Variants in TENM3 observed in about 807,000 individuals in gnomAD.
TENM3 encodes the protein teneurin transmembrane protein 3, also known as teneurin-3.
TENM3 carries 63 observed loss-of-function variants against 255.1 expected under a neutral mutation model. The ratio of observed to expected loss-of-function variants is 0.25; its 90% CI spans 0.20 to 0.30. The LOEUF is 0.30. TENM3 is among the 10% of genes least tolerant of loss of function. The pLI, the probability that TENM3 is intolerant of heterozygous loss-of-function variation, is 1.00. For missense variants in TENM3, 2,929 were observed against 3,461.1 expected (o/e 0.85, Z 3.86); for synonymous variants, 1,306 against 1,322.3 (o/e 0.99, Z 0.27).
At chr4:181,826,857 G>A in the TENM3 span, among the ~76,000 whole-genome samples, 1 of 152,148 alleles carries the variant, frequency 6.6e-6, no homozygotes, top group African/African-American at 2.4e-5. Context: ...CTGCTCTAAA[G>A]GGAAGATAAA....
At chr4:181,518,864 G>C in the TENM3 span, among the ~76,000 whole-genome samples, 22,071 of 152,138 alleles carry the variant, frequency 0.15, 1,886 homozygotes, top group South Asian at 0.28. Context: ...GAATCGTACT[G>C]TCCCATCCAA....
At chr4:182,573,989 C>G (rs1744674354) in intron 3 of TENM3, among the ~76,000 whole-genome samples, 2 of 152,070 alleles carry the variant, frequency 1.3e-5, no homozygotes, top group African/African-American at 4.8e-5. Context: ...ATTAATTCTT[C>G]TTAAAGGCAT....
chr4:181,975,767 AG>A, the TENM3 span: 1 of 152,312 alleles, frequency 6.6e-6, no homozygotes, highest in African/African-American at 2.4e-5. Flanking sequence ...GGAACCAACA[AG>A]AAAGGCTAAA....
chr4:181,936,543 T>A, the TENM3 span, among the ~76,000 whole-genome samples: 1 of 152,184 alleles, frequency 6.6e-6, no homozygotes, highest in Non-Finnish European at 1.5e-5. Flanking sequence ...CATTTCCTGA[T>A]TTTGTCCTAT....
chr4:181,964,506 G>T, the TENM3 span, among the ~76,000 whole-genome samples: 3 of 151,642 alleles, frequency 2.0e-5, no homozygotes, highest in South Asian at 2.1e-4. Context: ...CAGTAGCATT[G>T]CTTTCTCCCA....
At chr4:182,343,946 G>C (rs1031065076) in intron 2 of TENM3, among the ~76,000 whole-genome samples, 3 of 152,132 alleles carry the variant, frequency 2.0e-5, no homozygotes, top group Non-Finnish European at 4.4e-5. Flanking sequence ...TTTGAATAAA[G>C]GCAATTACTT....
intron 19 of TENM3, 44 bp downstream of exon 19, chr4:182,743,463 G>C (rs1561189534): frequency 6.3e-7 from 1 of 1,591,724 alleles, no homozygotes; most frequent in East Asian, 2.3e-5. Context: ...AGCTAAACGT[G>C]CCTCTTTAAA....
intron 3 of TENM3, among the ~76,000 whole-genome samples, chr4:182,533,305 A>AAAG (rs1410422932): frequency 6.6e-6 from 1 of 152,148 alleles, no homozygotes; most frequent in Non-Finnish European, 1.5e-5. Flanking sequence ...AGTCCCAAGC[A>AAAG]CTTTGAGAGG....
chr4:182,095,033 C>T, the TENM3 span, among the ~76,000 whole-genome samples: 1 of 151,780 alleles, frequency 6.6e-6, no homozygotes, highest in African/African-American at 2.4e-5. Flanking sequence ...CAGGCAGATG[C>T]TGTCAAGGAT....
chr4:182,090,169 G>A, the TENM3 span, among the ~76,000 whole-genome samples: 1 of 152,098 alleles, frequency 6.6e-6, no homozygotes, highest in Non-Finnish European at 1.5e-5. Flanking sequence ...ATATGCACAG[G>A]TTAATTCACC....
At chr4:181,711,764 C>T in the TENM3 span, among the ~76,000 whole-genome samples, 1,777 of 152,244 alleles carry the variant, frequency 0.012, 15 homozygotes, top group Middle Eastern at 0.031. Context: ...AGGTTCAAAT[C>T]CCACTCCCAC....
intron 3 of TENM3, among the ~76,000 whole-genome samples, chr4:182,445,492 C>T (rs1772841294): frequency 6.6e-6 from 1 of 152,144 alleles, no homozygotes; most frequent in African/African-American, 2.4e-5. Flanking sequence ...ATCTCAGTGT[C>T]GGTTACAATT....
At chr4:182,171,322 T>C (rs1752093054) in intron 1 of TENM3, among the ~76,000 whole-genome samples, 1 of 152,194 alleles carries the variant, frequency 6.6e-6, no homozygotes, top group African/African-American at 2.4e-5. Flanking sequence ...GCTAGTCATA[T>C]TATACTTTTG....
chr4:181,522,746 GA>G, the TENM3 span: 13 of 715,386 alleles, frequency 1.8e-5, no homozygotes, highest in Non-Finnish European at 2.9e-5. Flanking sequence ...ATTCTTCTAA[GA>G]AAATGGACCT....
chr4:182,125,373 C>T, the TENM3 span, among the ~76,000 whole-genome samples: 4,313 of 152,294 alleles, frequency 0.028, 190 homozygotes, highest in African/African-American at 0.098. Flanking sequence ...TGCAGATCTG[C>T]CAAAGAGAAA....
At chr4:182,032,355 A>G in the TENM3 span, among the ~76,000 whole-genome samples, 86 of 152,332 alleles carry the variant, frequency 5.6e-4, 1 homozygote, top group African/African-American at 2.1e-3. Context: ...AATTACATTT[A>G]TTGATTTGCA....
intron 1 of TENM3, among the ~76,000 whole-genome samples, chr4:182,213,832 C>T (rs542761863): frequency 1.3e-5 from 2 of 152,040 alleles, no homozygotes; most frequent in Non-Finnish European, 2.9e-5. Context: ...GACAGAGTCT[C>T]CCTCTGTCGC....
the TENM3 span, among the ~76,000 whole-genome samples, chr4:181,985,001 C>T: frequency 1.1e-3 from 167 of 151,998 alleles, no homozygotes; most frequent in African/African-American, 3.2e-3. Context: ...CCAATAGTGA[C>T]GGCTGCTAAT....
chr4:182,256,152 T>G (rs1758381449), intron 1 of TENM3, among the ~76,000 whole-genome samples: 1 of 152,230 alleles, frequency 6.6e-6, no homozygotes. Flanking sequence ...TCGAGGTTAT[T>G]CTGATAATTC....
Sources: gnomAD v4.1 joint callset for allele counts (sites outside exome capture counted in the v4.1 genomes callset) on GRCh38, gnomAD v4.1.1 for gene constraint, MANE v1.5 for transcripts, NCBI Gene and HGNC (gene_info 2026-07-23, HGNC 2026-07-21) for gene names.